MC2R: variants seen among roughly 807,000 people sequenced by gnomAD.
The protein encoded by MC2R is melanocortin 2 receptor.
In MC2R, 9 loss-of-function variants were observed where a neutral mutation model predicts 9.8. That is an observed-to-expected ratio of 0.92 (90% CI 0.55 to 1.60). The LOEUF (loss-of-function observed/expected upper bound fraction) is 1.60, where lower values mean the gene tolerates loss of function less well. Ranked by LOEUF, MC2R falls within the 40% of genes most tolerant of loss-of-function variation. The pLI is 0.00. For missense variants in MC2R, 370 were observed against 389.0 expected (o/e 0.95, Z 0.41); for synonymous variants, 185 against 154.7 (o/e 1.20, Z -1.45).
Position 13,883,538 on chromosome 18 carries a change from G to C in MC2R, c.*1087C>G, listed in dbSNP as rs1175587310. The C allele has an allele frequency of 4.2e-5, 6 of 141,320 alleles. No homozygotes were observed. Among genetic ancestry groups the C allele is most frequent in the African/African-American group, 1.3e-4 (5 of 37,900 alleles). 8.8% of individuals were successfully genotyped at this position (141,320 alleles called of 1,614,324 possible). A position where few individuals can be genotyped will look rare whatever the true frequency, so the allele number is the denominator to read the frequency against. On this transcript the variant is annotated 3_prime_UTR_variant, in exon 2 of 2. Transcript: ENST00000327606. ...CACCATTGCTTGATGTCTTGCTTTGGTTTTGGTTTTCCCCATAGTCCAAAA... is the reference window on the plus strand; with the variant it reads ...CACCATTGCTTGATGTCTTGCTTTGCTTTTGGTTTTCCCCATAGTCCAAAA...
At position 13,903,835 on chromosome 18, in the gene MC2R, C is replaced by T. The variant is rs140754184; in HGVS notation, c.-129+11653G>A. On this transcript the variant is annotated intron_variant, in intron 1 of 1. Coordinates refer to ENST00000327606, the MANE Select transcript of MC2R (RefSeq NM_000529.2). ...GTACATTTTTTAAAATAAAAAAATGCAGCCTTAAAGGAAAAATTTAAAAAA... is the reference window on the plus strand; with the variant it reads ...GTACATTTTTTAAAATAAAAAAATGTAGCCTTAAAGGAAAAATTTAAAAAA... Among the ~76,000 whole-genome samples, 958 of 152,100 alleles carry T rather than the reference C, an allele frequency of 6.3e-3. 9 individuals carry two copies. Among genetic ancestry groups the T allele is most frequent in the Non-Finnish European group, 8.1e-3 (554 of 67,994 alleles).
At chr18:13,907,168 A>C (rs748367420) in intron 1 of MC2R, among the ~76,000 whole-genome samples, 1 of 152,236 alleles carries the variant, frequency 6.6e-6, no homozygotes, top group African/African-American at 2.4e-5. Flanking sequence ...CAGCATAAAA[A>C]CAGTTACACA....
Position 13,885,114 on chromosome 18 carries a change from T to C in MC2R, c.405A>G (p.Ala135=). The change falls in exon 2 of 2, where the codon GCA becomes GCG. Residue 135 remains alanine (A), a synonymous_variant. Transcript: ENST00000327606. The stretch of plus-strand genomic sequence containing the variant: ...TGGTCACGATGCTGTGGTACCGCAG[T>C]GCGTGGAAGATGGTGATGTAGCGGT... ...AADRYITIFH[A]LRYHSIVTMR... The C allele has an allele frequency of 1.9e-6, 3 of 1,614,058 alleles. No individual in the cohort carries two copies. The highest frequency in any genetic ancestry group is 2.2e-5 in the South Asian group (2 of 91,064).
At chr18:13,902,094 G>T (rs1217690721) in intron 1 of MC2R, among the ~76,000 whole-genome samples, 2 of 142,868 alleles carry the variant, frequency 1.4e-5, no homozygotes, top group Non-Finnish European at 3.0e-5. Flanking sequence ...CTTAACATAT[G>T]CAACCAATGC....
chr18:13,890,188 C>A (rs2045307562), intron 1 of MC2R, among the ~76,000 whole-genome samples: 1 of 152,270 alleles, frequency 6.6e-6, no homozygotes, highest in Non-Finnish European at 1.5e-5. Flanking sequence ...CCTGTAGACA[C>A]CACTTGTGGT....
chr18:13,882,668 ACC>A lies in MC2R; in HGVS notation c.*1955_*1956del, dbSNP rs1394972538. On this transcript the variant is annotated 3_prime_UTR_variant, in exon 2 of 2. Coordinates refer to ENST00000327606, the MANE Select transcript of MC2R (RefSeq NM_000529.2). ...TGATACAGGTTAAGTGGCATTGCTT[ACC>A]TCTGTGGTATCACAGAGCATTGCAG... is the stretch of plus-strand genomic sequence containing the variant. 1 of 152,176 alleles carries A rather than the reference ACC, an allele frequency of 6.6e-6. No homozygotes were observed. The highest frequency in any genetic ancestry group is 1.9e-4 in the East Asian group (1 of 5,190). The allele number at this position is 152,176 out of a possible 1,614,324, so 9.4% of individuals were successfully genotyped here.
intron 1 of MC2R, among the ~76,000 whole-genome samples, chr18:13,893,565 A>G (rs1204950765): frequency 1.3e-5 from 2 of 152,168 alleles, no homozygotes; most frequent in Non-Finnish European, 1.5e-5. Flanking sequence ...AAGTCTTTAT[A>G]TTAATCACCA....
At chr18:13,907,252 C>A (rs2045419366) in intron 1 of MC2R, among the ~76,000 whole-genome samples, 1 of 152,076 alleles carries the variant, frequency 6.6e-6, no homozygotes. Context: ...GACAAAGGTG[C>A]CAAGAACATA....
In MC2R at chr18:13,883,147, G is replaced by A. The variant is rs2045243718; in HGVS notation, c.*1478C>T. ...AGCAGCTCTGGGAAATTCTCCTGAG[G>A]GCAAAGCATTGCCTGTTCTGGAAGA... On this transcript the variant is annotated 3_prime_UTR_variant, in exon 2 of 2. Transcript: ENST00000327606. The A allele has an allele frequency of 6.6e-6, 1 of 152,348 alleles. No individual in the cohort carries two copies. The highest frequency in any genetic ancestry group is 1.5e-5 in the Non-Finnish European group (1 of 68,184). 9.4% of individuals were successfully genotyped at this position (152,348 alleles called of 1,614,324 possible).
At chr18:13,903,404 C>T (rs913145304) in intron 1 of MC2R, among the ~76,000 whole-genome samples, 1 of 152,182 alleles carries the variant, frequency 6.6e-6, no homozygotes, top group African/African-American at 2.4e-5. Context: ...TATGTTGTTG[C>T]AGCACTGTTT....
In MC2R at chr18:13,882,890, C is replaced by T. The variant is rs1598457754; in HGVS notation, c.*1735G>A. The T allele has an allele frequency of 6.6e-6, 1 of 152,096 alleles. No homozygotes were observed. Among genetic ancestry groups the T allele is most frequent in the African/African-American group, 2.4e-5 (1 of 41,418 alleles). The allele number at this position is 152,096 out of a possible 1,614,324, so 9.4% of individuals were successfully genotyped here. Reference sequence around the variant, plus strand: ...AGGTTAGTATTAGAGTAACATAGTTCATTTGGCAGGGGAAGGATCAAACAG... The same window carrying T: ...AGGTTAGTATTAGAGTAACATAGTTTATTTGGCAGGGGAAGGATCAAACAG... On this transcript the variant is annotated 3_prime_UTR_variant, in exon 2 of 2. Transcript: ENST00000327606.
At chr18:13,890,855 C>A (rs1386980589) in intron 1 of MC2R, among the ~76,000 whole-genome samples, 9 of 150,022 alleles carry the variant, frequency 6.0e-5, no homozygotes, top group Non-Finnish European at 1.2e-4. Flanking sequence ...TTCTCTCAGT[C>A]GTTAGGGTTT....
At chr18:13,891,110 A>T (rs1320233128) in intron 1 of MC2R, among the ~76,000 whole-genome samples, 1 of 152,206 alleles carries the variant, frequency 6.6e-6, no homozygotes, top group African/African-American at 2.4e-5. Flanking sequence ...ACTCTTTTCT[A>T]ATGGCAGGAA....
Position 13,885,509 on chromosome 18 carries a change from T to C in MC2R, c.10A>G (p.Ile4Val), listed in dbSNP as rs958435388. ...TTGATGTTTTCATACGAGTTGATAA[T>C]GTGCTTCATTTCTCCTGCTTGTGGT... MKH[I>V]INSYENINNT... The change falls in exon 2 of 2, where the codon ATT (isoleucine) becomes GTT (valine). Residue 4 changes from isoleucine (I) to valine (V), a missense_variant. By Grantham distance (29) the Ile-to-Val change is conservative. Coordinates refer to ENST00000327606, the MANE Select transcript of MC2R (RefSeq NM_000529.2). 3.7e-6 allele frequency: 6 copies of C among 1,614,188 alleles called. No homozygotes were observed. Among genetic ancestry groups the C allele is most frequent in the African/African-American group, 2.7e-5 (2 of 75,046 alleles).
chr18:13,902,436 C>T (rs1355697890), intron 1 of MC2R, among the ~76,000 whole-genome samples: 1 of 152,074 alleles, frequency 6.6e-6, no homozygotes, highest in Non-Finnish European at 1.5e-5. Flanking sequence ...CCTGACTTCA[C>T]ATTATACTAG....
intron 1 of MC2R, among the ~76,000 whole-genome samples, chr18:13,898,458 G>A (rs2045359367): frequency 6.6e-6 from 1 of 152,220 alleles, no homozygotes; most frequent in Non-Finnish European, 1.5e-5. Context: ...TTCCTGCCCT[G>A]AAAGGAAAGA....
At position 13,884,444 on chromosome 18, in the gene MC2R, C is replaced by A. The variant is rs539139783; in HGVS notation, c.*181G>T. ...GTCCAGTCACAAAGTTAAGAGGTTGCCCCTACAATAAGACTGTTCACATAG... is the reference window on the plus strand; with the variant it reads ...GTCCAGTCACAAAGTTAAGAGGTTGACCCTACAATAAGACTGTTCACATAG... On this transcript the variant is annotated 3_prime_UTR_variant, in exon 2 of 2. Transcript: ENST00000327606. 5 of 679,526 alleles carry A rather than the reference C, an allele frequency of 7.4e-6. No individual in the cohort carries two copies. In the South Asian group the frequency reaches 8.4e-5, roughly 11 times the overall value. 42.1% of individuals were successfully genotyped at this position (679,526 alleles called of 1,614,324 possible). A position where few individuals can be genotyped will look rare whatever the true frequency, so the allele number is the denominator to read the frequency against.
chr18:13,892,885 G>GGT (rs1451073020), intron 1 of MC2R, among the ~76,000 whole-genome samples: 1 of 151,878 alleles, frequency 6.6e-6, no homozygotes, highest in African/African-American at 2.4e-5. Flanking sequence ...GGAATACAGT[G>GGT]GTGTGGTCAT....
intron 1 of MC2R, among the ~76,000 whole-genome samples, chr18:13,887,163 C>T (rs537886861): frequency 6.9e-6 from 1 of 145,162 alleles, no homozygotes; most frequent in Admixed American, 6.9e-5. Context: ...GCTGGGGAAG[C>T]CTCGGGGATG....
Sources: gnomAD v4.1 joint callset for allele counts (sites outside exome capture counted in the v4.1 genomes callset) on GRCh38, gnomAD v4.1.1 for gene constraint, MANE v1.5 for transcripts, NCBI Gene and HGNC (gene_info 2026-07-23, HGNC 2026-07-21) for gene names.